Variants in GPR89B observed in about 807,000 individuals in gnomAD.
The protein encoded by GPR89B is golgi pH regulator B.
In GPR89B, 25 loss-of-function variants were observed where a neutral mutation model predicts 52.4. That is an observed-to-expected ratio of 0.48 (90% CI 0.35 to 0.67). The LOEUF is 0.67. Ranked by LOEUF, GPR89B falls within the 30% of genes least tolerant of loss-of-function variation. The pLI is 0.01. For missense variants in GPR89B, 146 were observed against 450.2 expected, an observed-to-expected ratio of 0.32 and a Z score of 6.11; for synonymous variants, 52 against 151.2, an observed-to-expected ratio of 0.34 and a Z score of 4.81.
intron 8 of GPR89B, 96 bp from the exon 9 acceptor site, chr1:147,968,779 G>A (rs1262515854): frequency 6.5e-5 from 104 of 1,594,642 alleles, no homozygotes; most frequent in Non-Finnish European, 8.6e-5. Flanking sequence ...GCAACTCCGG[G>A]AATCCACTGT....
At chr1:148,008,550 C>T in the GPR89B span, among the ~76,000 whole-genome samples, 802 of 152,170 alleles carry the variant, frequency 5.3e-3, 27 homozygotes, top group East Asian at 0.085. Context: ...CTTCTCCAGC[C>T]CCAGAAAGAA....
At chr1:147,948,756 ATTTT>A (rs199854363) in intron 5 of GPR89B, among the ~76,000 whole-genome samples, 160 of 138,306 alleles carry the variant, frequency 1.2e-3, no homozygotes, top group African/African-American at 3.0e-3. Flanking sequence ...AGATAAAATA[ATTTT>A]TTTTTTTTTT....
At chr1:147,939,706 AAG>A (rs782249812) in intron 3 of GPR89B, among the ~76,000 whole-genome samples, 7 of 152,192 alleles carry the variant, frequency 4.6e-5, no homozygotes, top group Non-Finnish European at 8.8e-5. Flanking sequence ...AGGTTAAAAA[AAG>A]AGAGAGGGGC....
chr1:147,966,037 G>C lies in GPR89B; in HGVS notation c.618-517G>C, dbSNP rs1201786672. Among the ~76,000 whole-genome samples, 1,498 of 151,572 alleles carry C rather than the reference G, an allele frequency of 9.9e-3. 33 individuals are homozygous for C. The highest frequency in any genetic ancestry group is 0.035 in the African/African-American group (1,431 of 41,092). ...AATTTTTGTATTTTTAGTAGAGATG[G>C]GGTTTCACCATGTTGCCCATGCTGG... is the stretch of plus-strand genomic sequence containing the variant. On this transcript the variant is annotated intron_variant, in intron 7 of 13. Coordinates refer to ENST00000314163, the MANE Select transcript of GPR89B (RefSeq NM_016334.5).
intron 10 of GPR89B, among the ~76,000 whole-genome samples, chr1:147,982,899 T>C (rs1455540178): frequency 1.3e-5 from 2 of 152,130 alleles, no homozygotes; most frequent in Non-Finnish European, 2.9e-5. Context: ...TTTTATTCTC[T>C]TTGAAGCAAT....
intron 5 of GPR89B, among the ~76,000 whole-genome samples, chr1:147,951,675 A>G (rs1655712273): frequency 6.6e-6 from 1 of 152,070 alleles, no homozygotes; most frequent in African/African-American, 2.4e-5. Context: ...GAATACAATC[A>G]AAAGTATGGT....
At chr1:148,008,956 G>C in the GPR89B span, among the ~76,000 whole-genome samples, 2 of 152,074 alleles carry the variant, frequency 1.3e-5, no homozygotes, top group African/African-American at 2.4e-5. Context: ...CTCAAAAATA[G>C]CTATTATGAA....
At chr1:148,016,996 T>TCTTG in the GPR89B span, among the ~76,000 whole-genome samples, 17,505 of 151,126 alleles carry the variant, frequency 0.12, 1,488 homozygotes, top group African/African-American at 0.22. Flanking sequence ...TTTGGTTTTG[T>TCTTG]CTTGCTTGCT....
At chr1:147,963,831 A>G (rs1448217827) in intron 7 of GPR89B, among the ~76,000 whole-genome samples, 10 of 152,144 alleles carry the variant, frequency 6.6e-5, no homozygotes, top group African/African-American at 2.4e-4. Context: ...CAACAATTGC[A>G]CTCCTGGGCA....
intron 10 of GPR89B, among the ~76,000 whole-genome samples, chr1:147,979,186 C>G (rs1404665520): frequency 1.3e-5 from 2 of 152,050 alleles, no homozygotes; most frequent in East Asian, 1.9e-4. Flanking sequence ...ACTGCCTAGT[C>G]AGTCCCAATG....
At chr1:147,946,506 A>G (rs190822266) in intron 5 of GPR89B, among the ~76,000 whole-genome samples, 38 of 152,304 alleles carry the variant, frequency 2.5e-4, no homozygotes, top group African/African-American at 8.7e-4. Context: ...TCCTGGTAGT[A>G]TAGTTCTCAT....
chr1:147,968,759 G>C, intron 8 of GPR89B, 116 bp from the exon 9 acceptor site: 2 of 1,535,512 alleles, frequency 1.3e-6, no homozygotes, highest in Non-Finnish European at 1.8e-6. Context: ...ACAGGAAATT[G>C]AGAATATAGG....
chr1:148,010,516 T>G, the GPR89B span: 1 of 152,258 alleles, frequency 6.6e-6, no homozygotes, highest in Non-Finnish European at 1.5e-5. Flanking sequence ...CTTTTTCACA[T>G]GACTCAAAAG....
chr1:147,994,125 G>A, downstream of GPR89B: 3 of 1,013,216 alleles, frequency 3.0e-6, no homozygotes, highest in Non-Finnish European at 4.1e-6. Context: ...GTCTGCAATA[G>A]CCGCCTGTAA....
At chr1:147,995,725 G>T, downstream of GPR89B, 1 of 1,607,600 alleles carries the variant, frequency 6.2e-7, no homozygotes. Context: ...AATAATCATA[G>T]GCCTTCTTTC....
intron 12 of GPR89B, among the ~76,000 whole-genome samples, chr1:147,991,439 T>C (rs1659060254): frequency 6.6e-6 from 1 of 152,202 alleles, no homozygotes; most frequent in Admixed American, 6.5e-5. Flanking sequence ...ATATCCTTTA[T>C]TTCTTTCTCC....
At chr1:148,003,467 T>G in the GPR89B span, among the ~76,000 whole-genome samples, 18 of 151,930 alleles carry the variant, frequency 1.2e-4, no homozygotes, top group Non-Finnish European at 2.5e-4. Flanking sequence ...ATGGGAGGAG[T>G]ATTTACATCA....
At chr1:147,959,267 CTT>C (rs1337350207) in intron 7 of GPR89B, among the ~76,000 whole-genome samples, 6 of 152,066 alleles carry the variant, frequency 3.9e-5, no homozygotes, top group Non-Finnish European at 8.8e-5. Flanking sequence ...TCTAGGACCT[CTT>C]TGAAATTTTG....
chr1:147,975,606 G>C (rs1254611831), intron 10 of GPR89B, among the ~76,000 whole-genome samples: 2 of 152,092 alleles, frequency 1.3e-5, no homozygotes, highest in African/African-American at 4.8e-5. Context: ...CAAAAAACTG[G>C]CTCCTGGATT....
Sources: gnomAD v4.1 joint callset for allele counts (sites outside exome capture counted in the v4.1 genomes callset) on GRCh38, gnomAD v4.1.1 for gene constraint, MANE v1.5 for transcripts, NCBI Gene and HGNC (gene_info 2026-07-23, HGNC 2026-07-21) for gene names.